SHISA9: variants seen among roughly 807,000 people sequenced by gnomAD.
SHISA9 encodes the protein shisa family member 9.
SHISA9 carries 13 observed loss-of-function variants against 38.0 expected under a neutral mutation model. That is an observed-to-expected ratio of 0.34 (90% CI 0.22 to 0.54). The LOEUF is 0.54. SHISA9 is among the 20% of genes least tolerant of loss of function. The pLI is 0.91. For missense variants in SHISA9, 538 were observed against 575.8 expected (o/e 0.93, Z 0.67); for synonymous variants, 275 against 242.0 (o/e 1.14, Z -1.27).
intron 2 of SHISA9, among the ~76,000 whole-genome samples, chr16:12,969,210 A>G (rs2072022037): frequency 6.6e-6 from 1 of 151,882 alleles, no homozygotes; most frequent in Non-Finnish European, 1.5e-5. Flanking sequence ...TTCAGCCCAC[A>G]GTTTGTAGTT....
Position 13,235,159 on chromosome 16 carries a change from C to A in SHISA9, c.1025C>A (p.Pro342His), listed in dbSNP as rs1244256927. ...CGGGCCTTCAGCCCTGAGCACGGTC[C>A]TGCCAAGCAGAATGGACAGAAGTCC... ...EPRAFSPEHG[P>H]AKQNGQKSRT... is the part of the protein sequence containing the mutation. Residue 342 changes from proline to histidine, a missense_variant, in exon 5 of 5, where the codon CCT (proline) becomes CAT (histidine). Pro to His is a moderately conservative substitution (Grantham distance 77). Coordinates refer to ENST00000558583, the MANE Select transcript of SHISA9 (RefSeq NM_001145204.3). 1.3e-6 allele frequency: 2 copies of A among 1,551,668 alleles called. No homozygotes were observed. The highest frequency in any genetic ancestry group is 1.7e-6 in the Non-Finnish European group (2 of 1,147,034).
the SHISA9 span, among the ~76,000 whole-genome samples, chr16:13,427,676 A>C: frequency 3.9e-5 from 6 of 152,164 alleles, no homozygotes; most frequent in Admixed American, 1.3e-4. Flanking sequence ...CTGGAGAGAG[A>C]GAGGGAACTT....
chr16:13,089,998 T>C (rs2073756763), intron 2 of SHISA9, among the ~76,000 whole-genome samples: 2 of 152,248 alleles, frequency 1.3e-5, no homozygotes, highest in Admixed American at 6.5e-5. Flanking sequence ...TCTGGTGCAT[T>C]GTGTCTTTGT....
chr16:13,204,188 T>C (rs937448964), intron 3 of SHISA9, among the ~76,000 whole-genome samples: 5 of 149,360 alleles, frequency 3.3e-5, no homozygotes, highest in Non-Finnish European at 5.9e-5. Context: ...CATCTTTCTA[T>C]CTACCTATTA....
At chr16:13,104,299 A>C (rs2073906165) in intron 2 of SHISA9, among the ~76,000 whole-genome samples, 1 of 152,162 alleles carries the variant, frequency 6.6e-6, no homozygotes, top group Non-Finnish European at 1.5e-5. Context: ...GCAGTTTCTT[A>C]AAATGTTAAA....
intron 4 of SHISA9, among the ~76,000 whole-genome samples, chr16:13,215,976 C>T (rs1267008322): frequency 3.3e-5 from 5 of 152,076 alleles, no homozygotes; most frequent in South Asian, 2.1e-4. Context: ...CACCTGAGGT[C>T]AGGAGTTTGA....
At chr16:13,462,844 C>A in the SHISA9 span, among the ~76,000 whole-genome samples, 1 of 152,012 alleles carries the variant, frequency 6.6e-6, no homozygotes, top group African/African-American at 2.4e-5. Flanking sequence ...CGCCAGTAAT[C>A]CTAGCTACTC....
the SHISA9 span, among the ~76,000 whole-genome samples, chr16:13,412,012 G>T: frequency 1.3e-5 from 2 of 151,786 alleles, no homozygotes; most frequent in African/African-American, 4.9e-5. Context: ...GATGATCCCA[G>T]TTCATCTCTG....
At chr16:13,015,146 C>G (rs1288952129) in intron 2 of SHISA9, among the ~76,000 whole-genome samples, 1 of 152,258 alleles carries the variant, frequency 6.6e-6, no homozygotes, top group Non-Finnish European at 1.5e-5. Flanking sequence ...TGGGCCAAAT[C>G]TGGCCTGCCG....
At chr16:13,280,317 T>C in the SHISA9 span, among the ~76,000 whole-genome samples, 1 of 151,634 alleles carries the variant, frequency 6.6e-6, no homozygotes, top group Admixed American at 6.6e-5. Flanking sequence ...TTTTATATTA[T>C]TTCTTTCTAT....
chr16:13,194,585 G>A (rs139330471), intron 2 of SHISA9, among the ~76,000 whole-genome samples: 121 of 152,278 alleles, frequency 7.9e-4, no homozygotes, highest in African/African-American at 2.8e-3. Context: ...ATGTATACAA[G>A]TGTGTCTTCA....
At chr16:13,032,614 G>A (rs1392954) in intron 2 of SHISA9, among the ~76,000 whole-genome samples, 108,083 of 152,108 alleles carry the variant, frequency 0.71, 38,744 homozygotes, top group Middle Eastern at 0.78. Context: ...AGAACTGACT[G>A]TGTAATGAAG....
At chr16:13,443,376 A>G in the SHISA9 span, among the ~76,000 whole-genome samples, 141,015 of 152,268 alleles carry the variant, frequency 0.93, 65,498 homozygotes, top group African/African-American at 0.98. Flanking sequence ...TTGAATTCCA[A>G]TTTGGCTTCT....
the SHISA9 span, among the ~76,000 whole-genome samples, chr16:13,355,743 G>T: frequency 1.3e-5 from 2 of 152,180 alleles, no homozygotes; most frequent in Middle Eastern, 3.4e-3. Context: ...AGAAAGGGAC[G>T]GGCTTACCTT....
At chr16:13,023,970 C>T (rs927048706) in intron 2 of SHISA9, among the ~76,000 whole-genome samples, 1 of 152,186 alleles carries the variant, frequency 6.6e-6, no homozygotes, top group African/African-American at 2.4e-5. Context: ...TATGATTTAC[C>T]ACCTACAACT....
chr16:13,197,890 A>C (rs1222342248), intron 2 of SHISA9, among the ~76,000 whole-genome samples: 1 of 152,172 alleles, frequency 6.6e-6, no homozygotes, highest in Admixed American at 6.5e-5. Flanking sequence ...GTGGAAAAGA[A>C]ATTATATATG....
chr16:13,026,542 G>C (rs190459169), intron 2 of SHISA9, among the ~76,000 whole-genome samples: 26 of 152,312 alleles, frequency 1.7e-4, no homozygotes, highest in African/African-American at 5.8e-4. Context: ...GGACATGGGA[G>C]TGCAGATATC....
intron 2 of SHISA9, among the ~76,000 whole-genome samples, chr16:13,132,628 A>G (rs543189979): frequency 6.6e-6 from 1 of 152,272 alleles, no homozygotes; most frequent in South Asian, 2.1e-4. Context: ...AACTGCCCCC[A>G]TTAAGAACCA....
the SHISA9 span, among the ~76,000 whole-genome samples, chr16:13,355,330 G>C: frequency 6.6e-6 from 1 of 151,962 alleles, no homozygotes; most frequent in Non-Finnish European, 1.5e-5. Flanking sequence ...AGTGGGGTAA[G>C]GGTGATTAGA....
Sources: allele counts gnomAD v4.1 joint callset (sites outside exome capture counted in the v4.1 genomes callset), GRCh38; gene constraint gnomAD v4.1.1; transcripts MANE v1.5; gene names NCBI Gene and HGNC (gene_info 2026-07-23, HGNC 2026-07-21).